RASAL2: variants seen among roughly 807,000 people sequenced by gnomAD.
The protein encoded by RASAL2 is ras GTPase-activating protein nGAP.
In RASAL2, 58 loss-of-function variants were observed where a neutral mutation model predicts 128.9. The ratio of observed to expected loss-of-function variants is 0.45; its 90% confidence interval spans 0.36 to 0.56. The LOEUF is 0.56. RASAL2 is among the 20% of genes least tolerant of loss of function. The pLI is 0.00. For synonymous variants in RASAL2, 561 were observed against 580.8 expected (o/e 0.97, Z 0.49); for missense variants, 1,360 against 1,601.6 (o/e 0.85, Z 2.57).
chr1:178,222,359 G>T (rs1015921076), intron 1 of RASAL2, among the ~76,000 whole-genome samples: 1 of 151,778 alleles, frequency 6.6e-6, no homozygotes, highest in African/African-American at 2.4e-5. Context: ...GTTTAATTGA[G>T]CATTTTGTTT....
At chr1:178,327,471 G>A (rs1416439060) in intron 3 of RASAL2, among the ~76,000 whole-genome samples, 2 of 152,046 alleles carry the variant, frequency 1.3e-5, no homozygotes, top group Non-Finnish European at 2.9e-5. Context: ...TCAGCCTCCT[G>A]AGTAGCTGGG....
At chr1:178,135,421 T>C (rs1660284341) in intron 1 of RASAL2, among the ~76,000 whole-genome samples, 1 of 148,626 alleles carries the variant, frequency 6.7e-6, no homozygotes, top group African/African-American at 2.5e-5. Context: ...AATGGCTTTT[T>C]CAAATTAATT....
At position 178,169,135 on chromosome 1, in the gene RASAL2, A is replaced by G. The variant is rs547820096; in HGVS notation, c.202+74441A>G. On this transcript the variant is annotated intron_variant, in intron 1 of 17. Transcript: ENST00000367649. ...CCTACTTTTCCTTTAAAAATGTACC[A>G]TTTGTCAATTTTCTGACATTTTTAT... Among the ~76,000 whole-genome samples, 14 of 152,192 alleles carry G rather than the reference A, an allele frequency of 9.2e-5. No individual in the cohort carries two copies. In the East Asian group the frequency reaches 1.4e-3, roughly 15 times the overall value.
intron 1 of RASAL2, among the ~76,000 whole-genome samples, chr1:178,105,294 T>G (rs993911611): frequency 2.0e-5 from 3 of 152,210 alleles, no homozygotes; most frequent in Admixed American, 1.3e-4. Flanking sequence ...AAAAATCATA[T>G]TTTATATAGA....
At chr1:178,162,547 T>C (rs1051387539) in intron 1 of RASAL2, among the ~76,000 whole-genome samples, 19 of 117,746 alleles carry the variant, frequency 1.6e-4, no homozygotes, top group Non-Finnish European at 2.7e-4. Context: ...TTATATAAAA[T>C]ATATATAATA....
chr1:178,372,365 A>C, intron 3 of RASAL2: 2 of 984,814 alleles, frequency 2.0e-6, no homozygotes, highest in Non-Finnish European at 2.4e-6. Flanking sequence ...TTATTGTCTG[A>C]ACTTTTCTTA....
At chr1:178,301,932 T>C (rs767598214) in intron 3 of RASAL2, among the ~76,000 whole-genome samples, 3 of 152,166 alleles carry the variant, frequency 2.0e-5, no homozygotes, top group Non-Finnish European at 4.4e-5. Context: ...GTGACAAAAG[T>C]GTCTGGTCTA....
chr1:178,407,779 C>G (rs983623543), intron 4 of RASAL2, among the ~76,000 whole-genome samples: 6 of 152,194 alleles, frequency 3.9e-5, no homozygotes, highest in Admixed American at 3.3e-4. Context: ...CTCCGCTTCT[C>G]CCTGTCTTAA....
chr1:178,181,968 C>T (rs1662127967), intron 1 of RASAL2, among the ~76,000 whole-genome samples: 1 of 151,966 alleles, frequency 6.6e-6, no homozygotes, highest in African/African-American at 2.4e-5. Context: ...TACTTTTTCC[C>T]CCTTATTTCC....
At chr1:178,320,507 T>A (rs1375581398) in intron 3 of RASAL2, among the ~76,000 whole-genome samples, 1 of 152,240 alleles carries the variant, frequency 6.6e-6, no homozygotes, top group Non-Finnish European at 1.5e-5. Flanking sequence ...GCGCCGTTTT[T>A]TAAGCCGGTC....
chr1:178,456,976 T>C, intron 13 of RASAL2, 77 bp downstream of exon 13: 1 of 1,436,880 alleles, frequency 7.0e-7, no homozygotes, highest in Admixed American at 1.9e-5. Flanking sequence ...TCAACCTATT[T>C]GTTGAATTTA....
intron 3 of RASAL2, among the ~76,000 whole-genome samples, chr1:178,326,594 G>T (rs1261815240): frequency 6.6e-6 from 1 of 151,780 alleles, no homozygotes; most frequent in Non-Finnish European, 1.5e-5. Context: ...GCCCAGGCTG[G>T]AGTGCAATGG....
chr1:178,156,399 T>C (rs1295948978), intron 1 of RASAL2, among the ~76,000 whole-genome samples: 1 of 152,188 alleles, frequency 6.6e-6, no homozygotes, highest in Non-Finnish European at 1.5e-5. Flanking sequence ...AGAATACATA[T>C]GAGTAATGTG....
At chr1:178,457,035 T>C in intron 13 of RASAL2, 136 bp downstream of exon 13, 2 of 782,028 alleles carry the variant, frequency 2.6e-6, no homozygotes, top group South Asian at 3.7e-5. Context: ...CTGAGAGCAG[T>C]CCAATTATTT....
At chr1:178,221,282 C>T (rs75713355) in intron 1 of RASAL2, among the ~76,000 whole-genome samples, 5,353 of 152,108 alleles carry the variant, frequency 0.035, 281 homozygotes, top group African/African-American at 0.12. Context: ...TTGATTTCTC[C>T]TCTAATTTTG....
At chr1:178,231,545 C>A (rs1248830046) in intron 1 of RASAL2, among the ~76,000 whole-genome samples, 2 of 152,072 alleles carry the variant, frequency 1.3e-5, no homozygotes, top group African/African-American at 4.8e-5. Flanking sequence ...TTTATGAAAT[C>A]ATACTTATTA....
At chr1:178,184,093 A>G (rs1361119285) in intron 1 of RASAL2, among the ~76,000 whole-genome samples, 5 of 151,976 alleles carry the variant, frequency 3.3e-5, no homozygotes, top group African/African-American at 1.2e-4. Flanking sequence ...CTATCTGTGT[A>G]TTTTCTTTGG....
At chr1:178,397,907 T>C (rs893366560) in intron 4 of RASAL2, among the ~76,000 whole-genome samples, 1 of 151,982 alleles carries the variant, frequency 6.6e-6, no homozygotes, top group Admixed American at 6.6e-5. Context: ...TGAGTCACCA[T>C]GCCCAGCAGA....
At chr1:178,284,155 G>T (rs1336033043) in intron 2 of RASAL2, among the ~76,000 whole-genome samples, 1 of 152,214 alleles carries the variant, frequency 6.6e-6, no homozygotes, top group African/African-American at 2.4e-5. Flanking sequence ...GCAGAAAGCA[G>T]TTATCACCCT....
Sources: gnomAD v4.1 joint callset for allele counts (sites outside exome capture counted in the v4.1 genomes callset) on GRCh38, gnomAD v4.1.1 for gene constraint, MANE v1.5 for transcripts, NCBI Gene and HGNC (gene_info 2026-07-23, HGNC 2026-07-21) for gene names.